SSBP2: variants seen among roughly 807,000 people sequenced by gnomAD.
The protein encoded by SSBP2 is single stranded DNA binding protein 2, also known as single-stranded DNA-binding protein 2.
Under a neutral mutation model 61.8 loss-of-function variants are expected in SSBP2, and 17 were observed. The observed-to-expected ratio is 0.28, with a 90% CI of 0.19 to 0.41. SSBP2 has a LOEUF of 0.41. Ranked by LOEUF, SSBP2 falls within the 10% of genes least tolerant of loss-of-function variation. The pLI, the probability that SSBP2 is intolerant of heterozygous loss-of-function variation, is 1.00. For missense variants in SSBP2, 310 were observed against 458.7 expected, an observed-to-expected ratio of 0.68 and a Z score of 2.96; for synonymous variants, 139 against 141.3, an observed-to-expected ratio of 0.98 and a Z score of 0.12.
intron 4 of SSBP2, among the ~76,000 whole-genome samples, chr5:81,546,178 G>C (rs2154123421): frequency 6.6e-6 from 1 of 152,234 alleles, no homozygotes; most frequent in African/African-American, 2.4e-5. Flanking sequence ...GCAATGAATA[G>C]GCATTATCTT....
chr5:81,413,096 G>C lies in SSBP2; in HGVS notation c.*7408C>G, dbSNP rs1580615676. ...TTTTTCAACAAGTAATGAAGTACAG[G>C]CTAGAAATGAAAGGGTAGGAACTGT... On this transcript the variant is annotated 3_prime_UTR_variant, in exon 17 of 17. Coordinates refer to ENST00000320672, the MANE Select transcript of SSBP2 (RefSeq NM_012446.5). 1 of 152,142 alleles carries C rather than the reference G, an allele frequency of 6.6e-6. No homozygotes were observed. The highest frequency in any genetic ancestry group is 1.5e-5 in the Non-Finnish European group (1 of 68,024). 9.4% of individuals were successfully genotyped at this position (152,142 alleles called of 1,614,324 possible). A position where few individuals can be genotyped will look rare whatever the true frequency, so the allele number is the denominator to read the frequency against.
At chr5:81,461,285 A>G (rs1037280306) in intron 9 of SSBP2, among the ~76,000 whole-genome samples, 182 bp from the exon 10 acceptor site, 1 of 152,032 alleles carries the variant, frequency 6.6e-6, no homozygotes, top group African/African-American at 2.4e-5. Flanking sequence ...CCCCCAAAAG[A>G]AAAGTTTTCT....
rs553145208 is a variant in SSBP2 at position 81,453,492 on chromosome 5, C to T, written c.688-4667G>A. 2.1e-3 allele frequency among the ~76,000 whole-genome samples: 304 copies of T among 144,398 alleles called. 2 individuals are homozygous for T. Among genetic ancestry groups the T allele is most frequent in the African/African-American group, 7.6e-3 (292 of 38,246 alleles). 94.7% of individuals were successfully genotyped at this position (144,398 alleles called of 152,430 possible). A position where few individuals can be genotyped will look rare whatever the true frequency, so the allele number is the denominator to read the frequency against. ...TTTTTTTTTTGAGACGGAGTCTTGC[C>T]GTCGCCCAGGCTGGAGTGCAGGGGC... On this transcript the variant is annotated intron_variant, in intron 10 of 16. Transcript: ENST00000320672.
intron 5 of SSBP2, among the ~76,000 whole-genome samples, chr5:81,491,431 T>C (rs1018168175): frequency 2.6e-5 from 4 of 152,162 alleles, no homozygotes; most frequent in African/African-American, 9.7e-5. Context: ...TGTAAGAAGA[T>C]GATACAGTGT....
intron 4 of SSBP2, among the ~76,000 whole-genome samples, chr5:81,562,278 T>C (rs983268299): frequency 6.6e-6 from 1 of 152,162 alleles, no homozygotes; most frequent in African/African-American, 2.4e-5. Context: ...GAAAAAGATA[T>C]TTGCCACTGT....
intron 1 of SSBP2, among the ~76,000 whole-genome samples, chr5:81,731,284 C>T (rs376355070): frequency 6.6e-5 from 10 of 152,222 alleles, no homozygotes; most frequent in East Asian, 1.9e-4. Flanking sequence ...AATTATACAT[C>T]GGCCCTTTAT....
At chr5:81,705,768 A>G (rs901325867) in intron 1 of SSBP2, among the ~76,000 whole-genome samples, 5 of 152,228 alleles carry the variant, frequency 3.3e-5, no homozygotes, top group African/African-American at 1.2e-4. Flanking sequence ...TTAAAATGGC[A>G]AAACATTTTA....
At chr5:81,483,442 A>C (rs1766145137) in intron 6 of SSBP2, among the ~76,000 whole-genome samples, 1 of 152,162 alleles carries the variant, frequency 6.6e-6, no homozygotes, top group Non-Finnish European at 1.5e-5. Flanking sequence ...TTAAGATTTA[A>C]TTCAGTAACA....
At chr5:81,702,061 T>C (rs1754021262) in intron 1 of SSBP2, among the ~76,000 whole-genome samples, 2 of 152,156 alleles carry the variant, frequency 1.3e-5, no homozygotes, top group African/African-American at 4.8e-5. Flanking sequence ...GAAATCACTA[T>C]TGTAATTTTT....
intron 12 of SSBP2, 98 bp downstream of exon 12, chr5:81,446,770 A>T (rs1763428124): frequency 8.5e-7 from 1 of 1,180,526 alleles, no homozygotes; most frequent in Admixed American, 2.5e-5. Context: ...CTATCGTGAG[A>T]ACATGAATAC....
At chr5:81,692,461 C>T (rs1037576404) in intron 1 of SSBP2, among the ~76,000 whole-genome samples, 1 of 152,062 alleles carries the variant, frequency 6.6e-6, no homozygotes, top group Non-Finnish European at 1.5e-5. Context: ...CAATGCAATC[C>T]ATATTAAAAT....
intron 3 of SSBP2, among the ~76,000 whole-genome samples, chr5:81,628,254 G>A (rs779809425): frequency 6.6e-6 from 1 of 152,122 alleles, no homozygotes; most frequent in African/African-American, 2.4e-5. Flanking sequence ...GAGCGAAGGG[G>A]GAAGCCCCTT....
At chr5:81,544,006 T>A (rs1416989516) in intron 4 of SSBP2, among the ~76,000 whole-genome samples, 1 of 152,146 alleles carries the variant, frequency 6.6e-6, no homozygotes, top group Admixed American at 6.5e-5. Flanking sequence ...CATGATGCAA[T>A]TCTTTCTCTT....
chr5:81,651,533 AAAGT>A (rs2153713116), intron 1 of SSBP2, among the ~76,000 whole-genome samples: 1 of 152,308 alleles, frequency 6.6e-6, no homozygotes, highest in African/African-American at 2.4e-5. Flanking sequence ...TTACTCATAG[AAAGT>A]AAGTTATTGA....
rs1763101058 is a variant in SSBP2 at position 81,442,536 on chromosome 5, T to C, written c.849+117A>G. On this transcript the variant is annotated intron_variant, in intron 13 of 16. Coordinates refer to ENST00000320672, the MANE Select transcript of SSBP2 (RefSeq NM_012446.5). ...AGAAAAGAATTTGACTTTTTGAATA[T>C]CTAATAAGCTCCTGGATAATAAAAT... 6.8e-6 allele frequency: 4 copies of C among 585,548 alleles called. No individual in the cohort carries two copies. In the Admixed American group the frequency reaches 1.1e-4, roughly 17 times the overall value. The allele number at this position is 585,548 out of a possible 1,614,324, so 36.3% of individuals were successfully genotyped here.
chr5:81,420,351 CA>C lies in SSBP2; in HGVS notation c.*152del. 1 of 705,378 alleles carries C rather than the reference CA, an allele frequency of 1.4e-6. No homozygotes were observed. Among genetic ancestry groups the C allele is most frequent in the Non-Finnish European group, 2.4e-6 (1 of 409,810 alleles). The allele number at this position is 705,378 out of a possible 1,614,324, so 43.7% of individuals were successfully genotyped here. A position where few individuals can be genotyped will look rare whatever the true frequency, so the allele number is the denominator to read the frequency against. ...ATCACATTTGGACCCGCTTTCTTCA[CA>C]AAAGAGGGGAGAGAGCAGGAAATAA... On this transcript the variant is annotated 3_prime_UTR_variant, in exon 17 of 17. Transcript: ENST00000320672.
At chr5:81,520,290 T>C (rs923339877) in intron 4 of SSBP2, among the ~76,000 whole-genome samples, 1 of 152,120 alleles carries the variant, frequency 6.6e-6, no homozygotes, top group Non-Finnish European at 1.5e-5. Context: ...TGGTCTATTT[T>C]CCCCTTTTTA....
At chr5:81,733,448 G>A (rs953911862) in intron 1 of SSBP2, among the ~76,000 whole-genome samples, 2 of 151,758 alleles carry the variant, frequency 1.3e-5, no homozygotes, top group Non-Finnish European at 2.9e-5. Flanking sequence ...AAAAAGGTCA[G>A]AAACCCCCAT....
chr5:81,447,922 C>A (rs1031040681), intron 11 of SSBP2: 3 of 152,110 alleles, frequency 2.0e-5, no homozygotes, highest in Non-Finnish European at 4.4e-5. Flanking sequence ...GAACACTGAA[C>A]ACTAAGTTCA....
Sources: gnomAD v4.1 joint callset for allele counts (sites outside exome capture counted in the v4.1 genomes callset) on GRCh38, gnomAD v4.1.1 for gene constraint, MANE v1.5 for transcripts, NCBI Gene and HGNC (gene_info 2026-07-23, HGNC 2026-07-21) for gene names.